Variants in TOX2 observed in about 807,000 individuals in gnomAD.
The protein encoded by TOX2 is TOX high mobility group box family member 2, also known as granulosa cell HMG box 1.
TOX2 carries 15 observed loss-of-function variants against 47.4 expected under a neutral mutation model. That is an observed-to-expected ratio of 0.32 (90% confidence interval 0.21 to 0.49). TOX2 has a LOEUF of 0.49. TOX2 is among the 20% of genes least tolerant of loss of function. TOX2 has a pLI of 0.99. For synonymous variants in TOX2, 290 were observed against 296.6 expected (o/e 0.98, Z 0.23); for missense variants, 622 against 673.1 (o/e 0.92, Z 0.84).
rs2070688943 is a variant in TOX2, at chr20:44,006,727, C to T, written c.346C>T (p.Pro116Ser). The change falls in exon 3 of 9, where the codon CCA (proline) becomes TCA (serine). Residue 116 changes from proline to serine, a missense_variant. Pro to Ser is a moderately conservative substitution (Grantham distance 74, BLOSUM62 -1). Transcript: ENST00000341197. Reference protein sequence around the residue: ...PAYSYQAMDLPAIMVSNMLAQ... With the variant: ...PAYSYQAMDLSAIMVSNMLAQ... ...CTACTCCTATCAGGCCATGGACCTC[C>T]CAGCCATCATGGTGTCCAACATGCT... is the stretch of plus-strand genomic sequence containing the variant. The T allele has an allele frequency of 6.2e-7, 1 of 1,614,036 alleles. No individual in the cohort carries two copies. Among genetic ancestry groups the T allele is most frequent in the South Asian group, 1.1e-5 (1 of 91,088 alleles).
intron 1 of TOX2, among the ~76,000 whole-genome samples, chr20:43,938,043 T>G (rs2069350362): frequency 2.0e-5 from 3 of 152,260 alleles, no homozygotes; most frequent in South Asian, 4.1e-4. Flanking sequence ...CTGGGTCAAG[T>G]GAAGAGGAAG....
At chr20:44,056,667 TCTC>T (rs1228858922) in intron 5 of TOX2, among the ~76,000 whole-genome samples, 4 of 152,198 alleles carry the variant, frequency 2.6e-5, no homozygotes, top group African/African-American at 9.7e-5. Context: ...TGGGCATTTC[TCTC>T]CTTTTACTTA....
intron 3 of TOX2, among the ~76,000 whole-genome samples, chr20:44,014,704 G>T (rs535554151): frequency 4.6e-5 from 7 of 152,154 alleles, no homozygotes; most frequent in Non-Finnish European, 1.0e-4. Context: ...GAAGTGTCAC[G>T]CATAGGCAAT....
intron 1 of TOX2, among the ~76,000 whole-genome samples, chr20:43,954,715 C>T (rs1292364990): frequency 6.6e-6 from 1 of 152,182 alleles, no homozygotes; most frequent in Non-Finnish European, 1.5e-5. Flanking sequence ...GGCCTTGACC[C>T]ACTCCCTGTG....
intron 3 of TOX2, chr20:44,007,101 AAC>A (rs2070698564): frequency 2.0e-5 from 7 of 343,720 alleles, no homozygotes; most frequent in Non-Finnish European, 3.7e-5. Context: ...TTTATTTTTT[AAC>A]AGTTTTATTG....
chr20:43,942,495 T>G (rs1156936807), intron 1 of TOX2, among the ~76,000 whole-genome samples: 2 of 152,078 alleles, frequency 1.3e-5, no homozygotes, highest in African/African-American at 2.4e-5. Context: ...CTAGGCAACA[T>G]AGTGAGACCC....
At chr20:43,954,575 C>T (rs569334187) in intron 1 of TOX2, among the ~76,000 whole-genome samples, 20 of 152,314 alleles carry the variant, frequency 1.3e-4, no homozygotes, top group South Asian at 1.0e-3. Flanking sequence ...GCAGAGGGAG[C>T]TCTGGACCTT....
At chr20:44,065,663 G>A (rs1207675037) in intron 6 of TOX2, 49 bp from the exon 7 acceptor site, 4 of 1,533,428 alleles carry the variant, frequency 2.6e-6, no homozygotes, top group African/African-American at 1.4e-5. Flanking sequence ...CCCATGTTCT[G>A]GCTCATCCCT....
In TOX2 at chr20:44,051,251, A is replaced by T. The variant is rs1024761389; in HGVS notation, c.412-55A>T. The T allele has an allele frequency of 5.2e-6, 8 of 1,545,152 alleles. No homozygotes were observed. The African/African-American group carries it at 6.8e-5, about 13-fold the overall frequency. On this transcript the variant is annotated intron_variant, in intron 3 of 8. Coordinates refer to ENST00000341197, the MANE Select transcript of TOX2 (RefSeq NM_001098797.2). The stretch of plus-strand genomic sequence containing the variant: ...CTCTAAGTCCGCTAGCACAGATGTG[A>T]TGGAGTGGCAGGACAGATCCTTCCT...
At chr20:44,013,860 C>T (rs1006381872) in intron 3 of TOX2, among the ~76,000 whole-genome samples, 12 of 151,988 alleles carry the variant, frequency 7.9e-5, no homozygotes, top group Admixed American at 6.6e-4. Flanking sequence ...GGCTGGGCAT[C>T]GTGGCTCGCC....
At chr20:44,032,823 C>T (rs1569116400) in intron 3 of TOX2, among the ~76,000 whole-genome samples, 1 of 152,184 alleles carries the variant, frequency 6.6e-6, no homozygotes, top group Non-Finnish European at 1.5e-5. Context: ...ACAAAACCAG[C>T]CCCCAAAGGG....
At chr20:43,962,575 C>T (rs965729434) in intron 1 of TOX2, among the ~76,000 whole-genome samples, 2 of 152,246 alleles carry the variant, frequency 1.3e-5, no homozygotes, top group African/African-American at 4.8e-5. Context: ...TCCCAGTACC[C>T]AGAGCGTACA....
chr20:43,916,202 A>G lies in TOX2; in HGVS notation c.99+1212A>G, dbSNP rs2069053101. On this transcript the variant is annotated intron_variant, in intron 1 of 8. Coordinates refer to ENST00000341197, the MANE Select transcript of TOX2 (RefSeq NM_001098797.2). The surrounding 1 kb of genome is among the most constrained non-coding windows in gnomAD (Gnocchi z 5.0). ...GCGCAGACGCGTGGGCTCCGTGGCG[A>G]TGCGGGGTGAGTGCGCGTCCAGTGG... 1.0e-6 allele frequency: 1 copy of G among 985,398 alleles called. No homozygotes were observed. Among genetic ancestry groups the G allele is most frequent in the African/African-American group, 1.7e-5 (1 of 57,228 alleles). 61.0% of individuals were successfully genotyped at this position (985,398 alleles called of 1,614,324 possible).
chr20:44,021,266 A>G (rs986291311), intron 3 of TOX2, among the ~76,000 whole-genome samples: 3 of 152,156 alleles, frequency 2.0e-5, no homozygotes, highest in African/African-American at 7.2e-5. Context: ...CTTTGAGATC[A>G]TAGGAGGACA....
chr20:44,039,188 G>C (rs1484016511), intron 3 of TOX2: 4 of 1,276,610 alleles, frequency 3.1e-6, no homozygotes, highest in Non-Finnish European at 3.1e-6. Flanking sequence ...CCAGAGGATG[G>C]AGCAGGAGAG....
At chr20:43,978,781 G>GTGTGTGTA (rs1308880705) in intron 2 of TOX2, among the ~76,000 whole-genome samples, 3 of 151,950 alleles carry the variant, frequency 2.0e-5, no homozygotes, top group Non-Finnish European at 4.4e-5. Context: ...GTGTGTGTGT[G>GTGTGTGTA]TGTGTGTGTG....
rs368469528 is a variant in TOX2 at position 43,942,162 on chromosome 20, T to C, written c.99+27172T>C. On this transcript the variant is annotated intron_variant, in intron 1 of 8. Coordinates refer to ENST00000341197, the MANE Select transcript of TOX2 (RefSeq NM_001098797.2). ...CATGGTGGCTGTTGGCTATTAACAG[T>C]GATATTTATGGACCAGACCAGGCAC... Among the ~76,000 whole-genome samples, 35 of 152,284 alleles carry C rather than the reference T, an allele frequency of 2.3e-4. No homozygotes were observed. The East Asian group carries it at 5.4e-3, about 23-fold the overall frequency.
chr20:44,001,337 A>G (rs1054724022), intron 2 of TOX2, among the ~76,000 whole-genome samples: 1 of 152,204 alleles, frequency 6.6e-6, no homozygotes, highest in Non-Finnish European at 1.5e-5. Context: ...TACAGAACAC[A>G]TATGAACTAA....
At chr20:44,033,844 T>G (rs139499488) in intron 3 of TOX2, among the ~76,000 whole-genome samples, 67 of 152,160 alleles carry the variant, frequency 4.4e-4, no homozygotes, top group African/African-American at 1.5e-3. Context: ...GAATTTTTAT[T>G]AAGTTTGTGG....
Sources: allele counts gnomAD v4.1 joint callset (sites outside exome capture counted in the v4.1 genomes callset), GRCh38; gene constraint gnomAD v4.1.1; non-coding constraint Gnocchi (gnomAD v3.1); transcripts MANE v1.5; gene names NCBI Gene and HGNC (gene_info 2026-07-23, HGNC 2026-07-21).